The following CDC42BPA variants were observed in gnomAD, a reference collection of about 807,000 sequenced individuals.
The protein encoded by CDC42BPA is CDC42 binding protein kinase alpha.
Under a neutral mutation model 223.5 loss-of-function variants are expected in CDC42BPA, and 80 were observed. That is an observed-to-expected ratio of 0.36 (90% CI 0.30 to 0.43). The LOEUF (loss-of-function observed/expected upper bound fraction) is 0.43. Ranked by LOEUF, CDC42BPA falls within the 20% of genes least tolerant of loss-of-function variation. CDC42BPA has a pLI of 1.00. For synonymous variants in CDC42BPA, 694 were observed against 718.6 expected (o/e 0.97, Z 0.55); for missense variants, 1,743 against 2,099.9 (o/e 0.83, Z 3.32).
chr1:227,121,970 C>A (rs943368122), intron 11 of CDC42BPA, among the ~76,000 whole-genome samples: 3 of 151,578 alleles, frequency 2.0e-5, no homozygotes, highest in African/African-American at 7.3e-5. Context: ...CTGGCTAATT[C>A]TTGTATTTTT....
chr1:227,064,577 C>T (rs1676589957), intron 21 of CDC42BPA, among the ~76,000 whole-genome samples: 1 of 152,098 alleles, frequency 6.6e-6, no homozygotes, highest in Non-Finnish European at 1.5e-5. Context: ...GCTCCATTTG[C>T]TCCTCACCCT....
chr1:227,271,707 C>G (rs1224903982), intron 1 of CDC42BPA, among the ~76,000 whole-genome samples: 2 of 152,092 alleles, frequency 1.3e-5, no homozygotes, highest in African/African-American at 4.8e-5. Context: ...CAAAAAAAGT[C>G]TTCAGTATTC....
At chr1:227,307,559 A>G (rs779172886) in intron 1 of CDC42BPA, among the ~76,000 whole-genome samples, 3 of 152,194 alleles carry the variant, frequency 2.0e-5, no homozygotes, top group Non-Finnish European at 4.4e-5. Flanking sequence ...AACTTTTTCT[A>G]TGATAATGTG....
chr1:227,029,057 C>T lies in CDC42BPA; in HGVS notation c.4032G>A (p.Val1344=), dbSNP rs771532593. ...ACAGGCATGTGAGAGCTCCATGGCG[C>T]ACCTTTCCAGAAGTTACGGTTTGAC... The part of the protein sequence containing the change: ...KGCQTVTSGK[V]RHGALTCLCV... Residue 1344 remains valine (V), a synonymous_variant, in exon 30 of 37, where the codon GTG becomes GTA. Transcript: ENST00000366766. 6 of 1,614,030 alleles carry T rather than the reference C, an allele frequency of 3.7e-6. No homozygotes were observed. The South Asian group carries it at 4.4e-5, about 12-fold the overall frequency.
chr1:227,266,279 TAAG>T (rs1423018037), intron 1 of CDC42BPA, among the ~76,000 whole-genome samples: 1 of 152,134 alleles, frequency 6.6e-6, no homozygotes, highest in Non-Finnish European at 1.5e-5. Flanking sequence ...CCTTAATGAG[TAAG>T]AAGAACAAGG....
chr1:227,173,481 C>T (rs1317145447), intron 5 of CDC42BPA, among the ~76,000 whole-genome samples: 1 of 151,978 alleles, frequency 6.6e-6, no homozygotes, highest in Non-Finnish European at 1.5e-5. Context: ...CTATGTTTTG[C>T]CTCTGGAAAG....
intron 1 of CDC42BPA, among the ~76,000 whole-genome samples, chr1:227,302,141 T>C (rs144912538): frequency 5.9e-5 from 9 of 152,298 alleles, no homozygotes; most frequent in African/African-American, 1.4e-4. Flanking sequence ...AAATCCTTTC[T>C]ACTCTCTCCT....
intron 23 of CDC42BPA, among the ~76,000 whole-genome samples, chr1:227,044,414 T>C (rs58532064): frequency 6.9e-6 from 1 of 145,288 alleles, no homozygotes; most frequent in Non-Finnish European, 1.5e-5. Flanking sequence ...AAAAAATTTT[T>C]CTACATTTTC....
intron 1 of CDC42BPA, among the ~76,000 whole-genome samples, chr1:227,265,399 G>A (rs1684815338): frequency 6.6e-6 from 1 of 151,880 alleles, no homozygotes; most frequent in Non-Finnish European, 1.5e-5. Flanking sequence ...ACAGTACGTG[G>A]GGCATAAAAA....
intron 1 of CDC42BPA, among the ~76,000 whole-genome samples, chr1:227,256,538 C>T (rs1683054002): frequency 6.6e-6 from 1 of 151,830 alleles, no homozygotes; most frequent in Non-Finnish European, 1.5e-5. Flanking sequence ...TGAAAAGATA[C>T]TCAACATCAC....
chr1:227,148,199 A>C (rs1182507909), intron 6 of CDC42BPA, among the ~76,000 whole-genome samples: 1 of 152,162 alleles, frequency 6.6e-6, no homozygotes. Context: ...TGACATCTGT[A>C]ATCCCAGCAC....
intron 1 of CDC42BPA, among the ~76,000 whole-genome samples, chr1:227,288,910 C>T (rs1396072738): frequency 3.3e-5 from 5 of 152,170 alleles, no homozygotes; most frequent in African/African-American, 1.2e-4. Flanking sequence ...AGGAGAATCA[C>T]TTGAACCCCA....
At chr1:227,268,563 GTATA>G (rs145083700) in intron 1 of CDC42BPA, among the ~76,000 whole-genome samples, 4 of 145,382 alleles carry the variant, frequency 2.8e-5, no homozygotes, top group Admixed American at 6.9e-5. Context: ...ACTTTTTTCT[GTATA>G]TATATAGTGT....
intron 3 of CDC42BPA, among the ~76,000 whole-genome samples, chr1:227,212,296 C>A (rs1674063566): frequency 6.6e-6 from 1 of 152,070 alleles, no homozygotes. Context: ...TATGTTTGTT[C>A]ATCTTTGGGT....
chr1:227,096,190 T>G (rs1418390433), intron 15 of CDC42BPA, among the ~76,000 whole-genome samples: 1 of 152,146 alleles, frequency 6.6e-6, no homozygotes, highest in Non-Finnish European at 1.5e-5. Flanking sequence ...CTACTATCTA[T>G]AGACAGATGT....
chr1:227,090,023 C>G (rs781070586), intron 16 of CDC42BPA, among the ~76,000 whole-genome samples: 7 of 151,870 alleles, frequency 4.6e-5, no homozygotes. Context: ...CAATTATTGA[C>G]CTGCTTGGAT....
chr1:227,310,607 GAAT>G (rs1204183417), intron 1 of CDC42BPA, among the ~76,000 whole-genome samples: 2 of 151,924 alleles, frequency 1.3e-5, no homozygotes, highest in African/African-American at 4.8e-5. Context: ...TAGCTAGAAA[GAAT>G]AATCCTGGAG....
chr1:227,240,061 T>TA (rs1217383907), intron 2 of CDC42BPA, among the ~76,000 whole-genome samples: 1 of 151,880 alleles, frequency 6.6e-6, no homozygotes, highest in Non-Finnish European at 1.5e-5. Context: ...ACAAAACTAC[T>TA]AAAAAATAAA....
intron 21 of CDC42BPA, among the ~76,000 whole-genome samples, chr1:227,056,392 C>CTTTTCT (rs1553316530): frequency 8.5e-6 from 1 of 118,036 alleles, no homozygotes; most frequent in African/African-American, 3.1e-5. Context: ...CTTTTCTTTT[C>CTTTTCT]TTTTTTTTTT....
Sources: gnomAD v4.1 joint callset for allele counts (sites outside exome capture counted in the v4.1 genomes callset) on GRCh38, gnomAD v4.1.1 for gene constraint, MANE v1.5 for transcripts, NCBI Gene and HGNC (gene_info 2026-07-23, HGNC 2026-07-21) for gene names.